The following PCDH11X variants were observed in gnomAD, a reference collection of about 807,000 sequenced individuals.
PCDH11X encodes the protein protocadherin-11 X-linked.
PCDH11X carries 18 observed loss-of-function variants against 53.3 expected under a neutral mutation model. That is an observed-to-expected ratio of 0.34 (90% CI 0.23 to 0.50). The LOEUF (loss-of-function observed/expected upper bound fraction) is 0.50. PCDH11X is among the 20% of genes least tolerant of loss of function. PCDH11X has a pLI of 0.98. For synonymous variants in PCDH11X, 279 were observed against 393.3 expected (o/e 0.71, Z 3.44); for missense variants, 570 against 1,032.4 (o/e 0.55, Z 6.14).
intron 8 of PCDH11X, among the ~76,000 whole-genome samples, chrX:92,271,683 C>T (rs945715143): frequency 2.7e-4 from 30 of 112,096 alleles, no homozygotes; most frequent in African/African-American, 9.1e-4. Flanking sequence ...TCCTATTTTC[C>T]TGCTTCAATA....
chrX:92,257,261 C>T (rs1303562282), intron 7 of PCDH11X, among the ~76,000 whole-genome samples: 2 of 111,197 alleles, frequency 1.8e-5, no homozygotes, highest in African/African-American at 6.6e-5. Flanking sequence ...AACTCCACCC[C>T]CATGATCCAG....
chrX:92,501,506 A>G (rs981086578), intron 10 of PCDH11X, among the ~76,000 whole-genome samples: 2 of 111,883 alleles, frequency 1.8e-5, no homozygotes, highest in African/African-American at 6.5e-5. Context: ...CAAAGCCAGC[A>G]GCACGTCAAA....
At chrX:92,193,503 A>G (rs1279565762) in intron 6 of PCDH11X, among the ~76,000 whole-genome samples, 2 of 111,591 alleles carry the variant, frequency 1.8e-5, no homozygotes, top group Non-Finnish European at 3.8e-5. Context: ...TCCATTAATA[A>G]CAAGAACATT....
At chrX:92,326,805 G>T (rs976817258) in intron 8 of PCDH11X, among the ~76,000 whole-genome samples, 14 of 101,488 alleles carry the variant, frequency 1.4e-4, no homozygotes, top group Admixed American at 1.3e-3. Flanking sequence ...ATTTAATGAA[G>T]ATATTGTTAC....
chrX:91,788,783 AAG>A (rs1485534097), intron 1 of PCDH11X, among the ~76,000 whole-genome samples: 1 of 111,912 alleles, frequency 8.9e-6, no homozygotes, highest in Non-Finnish European at 1.9e-5. Flanking sequence ...ATAGAGAAGA[AAG>A]AGAACTACCA....
intron 6 of PCDH11X, among the ~76,000 whole-genome samples, chrX:91,948,758 T>C (rs1424972364): frequency 9.1e-6 from 1 of 109,850 alleles, no homozygotes; most frequent in Non-Finnish European, 1.9e-5. Context: ...CAAGTGGAGA[T>C]TGATATCCAA....
intron 10 of PCDH11X, among the ~76,000 whole-genome samples, chrX:92,477,517 C>T (rs1230741250): frequency 1.9e-5 from 1 of 52,223 alleles, no homozygotes; most frequent in Non-Finnish European, 3.4e-5. Context: ...CTCTCTCACC[C>T]AGGGCAGGTC....
chrX:91,998,395 G>T (rs769176536), intron 6 of PCDH11X, among the ~76,000 whole-genome samples: 6 of 110,375 alleles, frequency 5.4e-5, no homozygotes, highest in African/African-American at 1.6e-4. Context: ...TGGTCTTTTA[G>T]TTCTGATTTT....
chrX:92,174,353 A>C (rs2065872009), intron 6 of PCDH11X, among the ~76,000 whole-genome samples: 1 of 111,601 alleles, frequency 9.0e-6, no homozygotes, highest in African/African-American at 3.3e-5. Context: ...GTTTTTTGAC[A>C]TTGAGTTCAC....
chrX:92,110,971 A>G (rs1192202093), intron 6 of PCDH11X, among the ~76,000 whole-genome samples: 1 of 108,840 alleles, frequency 9.2e-6, no homozygotes, highest in Non-Finnish European at 1.9e-5. Flanking sequence ...TTCTTAAGTT[A>G]TGTTAATATG....
At chrX:92,001,922 A>AT (rs984250646) in intron 6 of PCDH11X, among the ~76,000 whole-genome samples, 3 of 102,866 alleles carry the variant, frequency 2.9e-5, no homozygotes, top group African/African-American at 7.1e-5. Context: ...CCACTTGTCC[A>AT]TTTTTTTCTT....
intron 9 of PCDH11X, among the ~76,000 whole-genome samples, chrX:92,452,488 TA>T: frequency 1.7e-5 from 1 of 57,414 alleles, no homozygotes; most frequent in Non-Finnish European, 3.1e-5. Flanking sequence ...TATATATATA[TA>T]TATATATATG....
intron 8 of PCDH11X, among the ~76,000 whole-genome samples, chrX:92,293,347 A>G (rs1441278489): frequency 2.7e-5 from 3 of 110,611 alleles, no homozygotes; most frequent in Admixed American, 9.7e-5. Context: ...GCTGTGGGCC[A>G]GACACGGTGG....
At position 91,795,567 on chromosome X, in the gene PCDH11X, A is replaced by G. The variant is rs148267887; in HGVS notation, c.-378-13899A>G. Among the ~76,000 whole-genome samples the G allele has an allele frequency of 6.0e-3, 669 of 111,777 alleles. 6 individuals carry two copies. The highest frequency in any genetic ancestry group is 0.021 in the African/African-American group (646 of 30,833). On this transcript the variant is annotated intron_variant, in intron 1 of 10. Coordinates refer to ENST00000682573, the MANE Select transcript of PCDH11X (RefSeq NM_032968.5). Reference sequence around the variant, plus strand: ...TTTTCAACAAATTAAAGACATAAAAATACTAACTCATTAACTAATTTTCTG... The same window carrying G: ...TTTTCAACAAATTAAAGACATAAAAGTACTAACTCATTAACTAATTTTCTG...
At chrX:92,471,321 C>A (rs1032914551) in intron 10 of PCDH11X, among the ~76,000 whole-genome samples, 1 of 107,783 alleles carries the variant, frequency 9.3e-6, no homozygotes, top group Non-Finnish European at 1.9e-5. Flanking sequence ...CCCATGTGTT[C>A]TCATAATTTA....
At chrX:92,093,617 C>T (rs1252606964) in intron 6 of PCDH11X, among the ~76,000 whole-genome samples, 1 of 111,466 alleles carries the variant, frequency 9.0e-6, no homozygotes, top group African/African-American at 3.3e-5. Flanking sequence ...TGATTTTATA[C>T]CTAATCACTG....
In PCDH11X at chrX:91,905,287, G is replaced by A. The variant is rs577529417; in HGVS notation, c.3033+26014G>A. Among the ~76,000 whole-genome samples, 6 of 109,048 alleles carry A rather than the reference G, an allele frequency of 5.5e-5. No homozygotes were observed. The South Asian group carries it at 2.4e-3, about 43-fold the overall frequency. 94.7% of individuals were successfully genotyped at this position (109,048 alleles called of 115,157 possible). On this transcript the variant is annotated intron_variant, in intron 6 of 10. Coordinates refer to ENST00000682573, the MANE Select transcript of PCDH11X (RefSeq NM_032968.5). The stretch of plus-strand genomic sequence containing the variant: ...TGGGACTACAGGTGTGCACCACCAT[G>A]CCCAGCTAATTATTTTAGTTTTTGT...
chrX:92,573,657 G>T (rs1226174623), intron 10 of PCDH11X, among the ~76,000 whole-genome samples: 6 of 110,017 alleles, frequency 5.5e-5, no homozygotes, highest in Non-Finnish European at 3.8e-5. Flanking sequence ...TACCCATTTT[G>T]TCTTTAAATT....
At chrX:92,076,659 G>A (rs1251887934) in intron 6 of PCDH11X, among the ~76,000 whole-genome samples, 1 of 111,640 alleles carries the variant, frequency 9.0e-6, no homozygotes, top group Non-Finnish European at 1.9e-5. Context: ...TTCAAGTTAT[G>A]TTATTTCAGT....
Sources: allele counts gnomAD v4.1 joint callset (sites outside exome capture counted in the v4.1 genomes callset), GRCh38; gene constraint gnomAD v4.1.1; transcripts MANE v1.5; gene names NCBI Gene and HGNC (gene_info 2026-07-23, HGNC 2026-07-21).